The following SLC9A9 variants were observed in gnomAD, a reference collection of about 807,000 sequenced individuals.
SLC9A9 encodes the protein solute carrier family 9 member A9.
A neutral mutation model predicts 77.8 loss-of-function variants in SLC9A9; 62 were observed. That is an observed-to-expected ratio of 0.80 (90% CI 0.65 to 0.98). SLC9A9 has a LOEUF of 0.98. Among genes scored for constraint, SLC9A9 ranks in the 50% least tolerant of loss-of-function variants. The pLI is 0.00. For synonymous variants in SLC9A9, 320 were observed against 283.5 expected, an observed-to-expected ratio of 1.13 and a Z score of -1.29; for missense variants, 775 against 774.9, an observed-to-expected ratio of 1.00 and a Z score of 0.00.
intron 4 of SLC9A9, among the ~76,000 whole-genome samples, chr3:143,721,107 G>A (rs1934487609): frequency 6.6e-6 from 1 of 152,112 alleles, no homozygotes; most frequent in African/African-American, 2.4e-5. Flanking sequence ...AGTCCCAGCT[G>A]CTTGGGAGGC....
At chr3:143,666,518 T>C (rs1339874593) in intron 5 of SLC9A9, among the ~76,000 whole-genome samples, 3 of 152,168 alleles carry the variant, frequency 2.0e-5, no homozygotes, top group African/African-American at 7.2e-5. Context: ...TAAAGGGTAT[T>C]CAATTAGGAA....
At chr3:143,470,060 T>C (rs1438011797) in intron 11 of SLC9A9, among the ~76,000 whole-genome samples, 2 of 152,148 alleles carry the variant, frequency 1.3e-5, no homozygotes, top group Non-Finnish European at 2.9e-5. Flanking sequence ...ATGGGATCAT[T>C]AGGGAATGAG....
chr3:143,297,765 AAATT>A (rs1317119398), intron 14 of SLC9A9, among the ~76,000 whole-genome samples: 4 of 152,206 alleles, frequency 2.6e-5, no homozygotes, highest in African/African-American at 7.2e-5. Flanking sequence ...ATTATAAATG[AAATT>A]AATTTTCTTT....
chr3:143,431,460 G>A (rs144171071), intron 12 of SLC9A9, among the ~76,000 whole-genome samples: 126 of 148,414 alleles, frequency 8.5e-4, no homozygotes, highest in Middle Eastern at 3.6e-3. Context: ...CCCTTGTTGC[G>A]AAATCCTCCA....
At chr3:143,296,929 T>C (rs1360734470) in intron 14 of SLC9A9, among the ~76,000 whole-genome samples, 1 of 152,170 alleles carries the variant, frequency 6.6e-6, no homozygotes, top group Non-Finnish European at 1.5e-5. Flanking sequence ...ATATTTGCCC[T>C]TTATCAGATA....
At chr3:143,271,439 G>A (rs1559846940) in intron 14 of SLC9A9, among the ~76,000 whole-genome samples, 1 of 152,190 alleles carries the variant, frequency 6.6e-6, no homozygotes, top group Non-Finnish European at 1.5e-5. Context: ...AACATATGTA[G>A]AAATGGTTTT....
intron 15 of SLC9A9, 81 bp from the exon 16 acceptor site, chr3:143,267,010 T>TTTA: frequency 8.2e-7 from 1 of 1,220,898 alleles, no homozygotes; most frequent in Non-Finnish European, 1.2e-6. Context: ...TTTTTTTTTT[T>TTTA]AAACAGAATG....
At chr3:143,558,343 G>C (rs1041291068) in intron 8 of SLC9A9, among the ~76,000 whole-genome samples, 8 of 152,162 alleles carry the variant, frequency 5.3e-5, no homozygotes, top group African/African-American at 1.9e-4. Flanking sequence ...GCTGTAGGAA[G>C]AGGACCACTG....
At chr3:143,414,146 A>G (rs761751643) in intron 12 of SLC9A9, among the ~76,000 whole-genome samples, 1 of 152,240 alleles carries the variant, frequency 6.6e-6, no homozygotes, top group Non-Finnish European at 1.5e-5. Context: ...CCCTTTTCAC[A>G]ATTCCTGTCA....
At chr3:143,761,745 A>T (rs1016664860) in intron 4 of SLC9A9, among the ~76,000 whole-genome samples, 1 of 152,206 alleles carries the variant, frequency 6.6e-6, no homozygotes, top group Admixed American at 6.5e-5. Flanking sequence ...TGTTGGTGGG[A>T]CTATAAACTA....
chr3:143,387,799 G>A (rs2033463288), intron 12 of SLC9A9, among the ~76,000 whole-genome samples: 1 of 134,696 alleles, frequency 7.4e-6, no homozygotes, highest in Non-Finnish European at 1.6e-5. Flanking sequence ...AAAAAAAAAT[G>A]ACCCAAAGTT....
Position 143,467,153 on chromosome 3 carries a change from C to T in SLC9A9, c.1353G>A (p.Arg451=). The T allele has an allele frequency of 1.2e-6, 2 of 1,614,170 alleles. No individual in the cohort carries two copies. Among genetic ancestry groups the T allele is most frequent in the Non-Finnish European group, 1.7e-6 (2 of 1,180,022 alleles). ...RGAIAFALAI[R]NTESQPKQMM... is the part of the protein sequence containing the mutation. ...TTTGTTTGGGCTGAGATTCTGTGTT[C>T]CGAATAGCTAAGGCAAATGCGATCG... The change falls in exon 12 of 16, where the codon CGG becomes CGA. Residue 451 remains arginine (R), a synonymous_variant. Coordinates refer to ENST00000316549, the MANE Select transcript of SLC9A9 (RefSeq NM_173653.4).
intron 14 of SLC9A9, among the ~76,000 whole-genome samples, chr3:143,344,751 G>A (rs2032209875): frequency 6.6e-6 from 1 of 151,934 alleles, no homozygotes; most frequent in African/African-American, 2.4e-5. Flanking sequence ...AAAACAAAAT[G>A]TTTCCTGGCA....
chr3:143,313,346 TTTTAC>T (rs1324053369), intron 14 of SLC9A9: 2 of 152,184 alleles, frequency 1.3e-5, no homozygotes, highest in East Asian at 3.8e-4. Context: ...CCCTGCCTTA[TTTTAC>T]TTTATTTTTT....
chr3:143,421,348 A>G (rs570790505), intron 12 of SLC9A9, among the ~76,000 whole-genome samples: 1 of 152,176 alleles, frequency 6.6e-6, no homozygotes, highest in African/African-American at 2.4e-5. Context: ...AAGACATCAC[A>G]TTGTCTCACA....
chr3:143,508,178 C>T (rs1479448791), intron 9 of SLC9A9, among the ~76,000 whole-genome samples: 3 of 152,174 alleles, frequency 2.0e-5, no homozygotes, highest in Non-Finnish European at 2.9e-5. Context: ...ACTGAGGATA[C>T]TCCACTCCAT....
chr3:143,814,435 C>G (rs1468622833), intron 2 of SLC9A9, among the ~76,000 whole-genome samples: 1 of 151,962 alleles, frequency 6.6e-6, no homozygotes, highest in African/African-American at 2.4e-5. Context: ...GTGGCCCTAC[C>G]AGGGAGAGAG....
intron 11 of SLC9A9, among the ~76,000 whole-genome samples, chr3:143,481,465 C>A (rs904260362): frequency 1.3e-5 from 2 of 152,122 alleles, no homozygotes; most frequent in African/African-American, 4.8e-5. Flanking sequence ...AATTCAATAA[C>A]TAGATAAGCA....
intron 6 of SLC9A9, among the ~76,000 whole-genome samples, chr3:143,628,445 C>T (rs1384837489): frequency 1.3e-5 from 2 of 152,160 alleles, no homozygotes; most frequent in Non-Finnish European, 2.9e-5. Context: ...GTATTGAATA[C>T]TGTTCCAAAA....
Sources: allele counts gnomAD v4.1 joint callset (sites outside exome capture counted in the v4.1 genomes callset), GRCh38; gene constraint gnomAD v4.1.1; transcripts MANE v1.5; gene names NCBI Gene and HGNC (gene_info 2026-07-23, HGNC 2026-07-21).